Variants in SMARCAL1 observed in about 807,000 individuals in gnomAD.
The protein encoded by SMARCAL1 is SNF2 related chromatin remodeling annealing helicase 1.
In SMARCAL1, 58 loss-of-function variants were observed where a neutral mutation model predicts 94.5. The observed-to-expected ratio is 0.61, with a 90% CI of 0.50 to 0.76. The LOEUF (loss-of-function observed/expected upper bound fraction) is 0.76, where lower values mean the gene tolerates loss of function less well. Among genes scored for constraint, SMARCAL1 ranks in the 30% least tolerant of loss-of-function variants. The pLI is 0.00. For synonymous variants in SMARCAL1, 422 were observed against 455.1 expected (o/e 0.93, Z 0.93); for missense variants, 1,051 against 1,177.9 (o/e 0.89, Z 1.58).
intron 15 of SMARCAL1, among the ~76,000 whole-genome samples, chr2:216,476,081 T>C (rs1200166264): frequency 1.3e-5 from 2 of 152,164 alleles, no homozygotes; most frequent in Non-Finnish European, 2.9e-5. Flanking sequence ...GAGGGTTTCC[T>C]GGACACCACC....
intron 12 of SMARCAL1, among the ~76,000 whole-genome samples, chr2:216,462,157 A>G (rs183916169): frequency 1.3e-5 from 2 of 152,116 alleles, no homozygotes; most frequent in East Asian, 3.9e-4. Context: ...GTTTCTTCAT[A>G]CTCTCATCAA....
chr2:216,474,454 GAAAAA>G (rs111287911), intron 14 of SMARCAL1, among the ~76,000 whole-genome samples: 1 of 115,458 alleles, frequency 8.7e-6, no homozygotes, highest in Admixed American at 8.6e-5. Context: ...GTGCATTCTT[GAAAAA>G]AAAAAAAAAA....
intron 10 of SMARCAL1, among the ~76,000 whole-genome samples, chr2:216,439,956 C>T (rs1408515612): frequency 2.0e-5 from 3 of 151,508 alleles, no homozygotes; most frequent in Non-Finnish European, 1.5e-5. Flanking sequence ...GCAGGAGAAT[C>T]GCTTGAACCT....
Position 216,482,867 on chromosome 2 carries a change from T to A in SMARCAL1, c.2755T>A (p.Ser919Thr). The A allele has an allele frequency of 6.2e-7, 1 of 1,614,124 alleles. No individual in the cohort carries two copies. Among genetic ancestry groups the A allele is most frequent in the Non-Finnish European group, 8.5e-7 (1 of 1,180,032 alleles). Residue 919 changes from serine to threonine, a missense_variant, in exon 18 of 18, where the codon TCC becomes ACC. Ser to Thr is a moderately conservative substitution (Grantham distance 58). This residue lies in a region of SMARCAL1 where 642 missense variants were observed against 754.7 expected (regional missense o/e 0.85). Coordinates refer to ENST00000357276, the MANE Select transcript of SMARCAL1 (RefSeq NM_014140.4). This position sits in a 1 kb window ranked among gnomAD's most constrained non-coding sequence, Gnocchi z 4.3. ...TGCTTCAGGAACATCTGGAAGTAGT[T>A]CCCAGAACATGGGAGACACCCTGGA... ...GSASGTSGSS[S>T]QNMGDTLDES...
Position 216,414,632 on chromosome 2 carries a change from T to TA in SMARCAL1, c.-58-14dup, listed in dbSNP as rs1206032933. On this transcript the variant is annotated splice_polypyrimidine_tract_variant and intron_variant, in intron 2 of 17. Transcript: ENST00000357276. ...CATGTAATGTTCATTTCATTCTTCTTACTTTCTTCCACAGCTTTTGCCAAC... is the reference window on the plus strand; with the variant it reads ...CATGTAATGTTCATTTCATTCTTCTTAACTTTCTTCCACAGCTTTTGCCAAC... 6 of 1,270,410 alleles carry TA rather than the reference T, an allele frequency of 4.7e-6. No homozygotes were observed. Among genetic ancestry groups the TA allele is most frequent in the Non-Finnish European group, 6.9e-6 (6 of 869,482 alleles). The allele number at this position is 1,270,410 out of a possible 1,614,324, so 78.7% of individuals were successfully genotyped here.
At chr2:216,436,886 C>T (rs1485116499) in intron 9 of SMARCAL1, among the ~76,000 whole-genome samples, 1 of 152,136 alleles carries the variant, frequency 6.6e-6, no homozygotes, top group African/African-American at 2.4e-5. Context: ...CATAAATTTG[C>T]CCATAGGCAC....
At chr2:216,430,153 T>G (rs1342588902) in intron 7 of SMARCAL1, among the ~76,000 whole-genome samples, 1 of 152,188 alleles carries the variant, frequency 6.6e-6, no homozygotes, top group Non-Finnish European at 1.5e-5. Context: ...CCAGGGCAGA[T>G]CTGTTTCTCT....
intron 11 of SMARCAL1, among the ~76,000 whole-genome samples, chr2:216,449,383 T>TTTTTTCTTTTTC (rs144769080): frequency 2.7e-5 from 4 of 150,534 alleles, no homozygotes; most frequent in African/African-American, 9.7e-5. Flanking sequence ...GCTGCCTTTT[T>TTTTTTCTTTTTC]TTTTTCTTTT....
intron 12 of SMARCAL1, among the ~76,000 whole-genome samples, chr2:216,462,634 G>A (rs1694728824): frequency 6.6e-6 from 1 of 152,128 alleles, no homozygotes; most frequent in South Asian, 2.1e-4. Context: ...ACAGCTTCCT[G>A]GGTTCCTCAG....
chr2:216,480,624 TAGG>T (rs747323314), intron 17 of SMARCAL1, among the ~76,000 whole-genome samples: 2 of 152,168 alleles, frequency 1.3e-5, no homozygotes, highest in Non-Finnish European at 2.9e-5. Context: ...CCTGAAAGGC[TAGG>T]AGATTTCGGG....
chr2:216,419,408 A>T (rs1214193730), intron 4 of SMARCAL1, among the ~76,000 whole-genome samples: 1 of 151,930 alleles, frequency 6.6e-6, no homozygotes, highest in African/African-American at 2.4e-5. Context: ...TTCTTTACTC[A>T]GGGTTTTTTT....
intron 5 of SMARCAL1, among the ~76,000 whole-genome samples, chr2:216,422,102 C>T (rs1396985533): frequency 2.6e-5 from 4 of 152,022 alleles, no homozygotes; most frequent in Admixed American, 1.3e-4. Flanking sequence ...AAGGCAACTA[C>T]GGGCCGGGTG....
At chr2:216,414,293 G>A (rs1289215543) in intron 2 of SMARCAL1, 1 of 199,630 alleles carries the variant, frequency 5.0e-6, no homozygotes, top group Admixed American at 5.5e-5. Context: ...AAGTAGCTGG[G>A]ATTACAGGCG....
intron 9 of SMARCAL1, among the ~76,000 whole-genome samples, chr2:216,436,425 A>G (rs567164866): frequency 3.3e-4 from 51 of 152,350 alleles, no homozygotes; most frequent in Non-Finnish European, 6.9e-4. Flanking sequence ...TACTGAGTAT[A>G]TTTACATAAC....
chr2:216,478,138 T>G, intron 16 of SMARCAL1, 65 bp from the exon 17 acceptor site: 1 of 1,282,950 alleles, frequency 7.8e-7, no homozygotes, highest in Non-Finnish European at 1.1e-6. Flanking sequence ...GAGGGTGGCC[T>G]CATTTTCATT....
intron 9 of SMARCAL1, among the ~76,000 whole-genome samples, chr2:216,437,296 A>C (rs557682111): frequency 1.6e-4 from 24 of 152,320 alleles, no homozygotes; most frequent in South Asian, 4.1e-4. Context: ...AAGGCATATG[A>C]CCGTAACACT....
intron 13 of SMARCAL1, among the ~76,000 whole-genome samples, chr2:216,465,425 T>C (rs1165368798): frequency 6.6e-6 from 1 of 152,220 alleles, no homozygotes; most frequent in African/African-American, 2.4e-5. Context: ...ACTTGGGTCT[T>C]CCCCAAGGTC....
chr2:216,448,231 C>G (rs1030463139), intron 11 of SMARCAL1, among the ~76,000 whole-genome samples: 1 of 152,118 alleles, frequency 6.6e-6, no homozygotes, highest in Non-Finnish European at 1.5e-5. Context: ...AGTTCATTTT[C>G]CCTGTAGATC....
At chr2:216,420,028 C>CAAAAAAAAAAAAA (rs60555710) in intron 4 of SMARCAL1, among the ~76,000 whole-genome samples, 183 of 38,490 alleles carry the variant, frequency 4.8e-3, no homozygotes, top group South Asian at 6.0e-3. Context: ...GACCCCGTCT[C>CAAAAAAAAAAAAA]AAAAAAAAAA....
Sources: gnomAD v4.1 joint callset for allele counts (sites outside exome capture counted in the v4.1 genomes callset) on GRCh38, gnomAD v4.1.1 for gene constraint, gnomAD v4.1.1 regional missense constraint, Gnocchi (gnomAD v3.1) non-coding constraint, MANE v1.5 for transcripts, NCBI Gene and HGNC (gene_info 2026-07-23, HGNC 2026-07-21) for gene names.